Variants in ADGRB3 observed in about 807,000 individuals in gnomAD.
ADGRB3 encodes the protein adhesion G protein-coupled receptor B3, also known as brain-specific angiogenesis inhibitor 3.
Under a neutral mutation model 193.4 loss-of-function variants are expected in ADGRB3, and 37 were observed. The ratio of observed to expected loss-of-function variants is 0.19; its 90% CI spans 0.15 to 0.25. ADGRB3 has a LOEUF of 0.25. Ranked by LOEUF, ADGRB3 falls within the 10% of genes least tolerant of loss-of-function variation. ADGRB3 has a pLI of 1.00. For synonymous variants in ADGRB3, 690 were observed against 644.2 expected, an observed-to-expected ratio of 1.07 and a Z score of -1.08; for missense variants, 1,637 against 1,852.9, an observed-to-expected ratio of 0.88 and a Z score of 2.14.
intron 3 of ADGRB3, among the ~76,000 whole-genome samples, chr6:68,664,227 C>T (rs1211002205): frequency 2.0e-5 from 3 of 151,546 alleles, no homozygotes; most frequent in East Asian, 1.9e-4. Flanking sequence ...TCTCAAATAC[C>T]GATTTTTTTT....
In ADGRB3 at chr6:68,772,893, AAATATATATATATATATATATAT is replaced by A. The variant is rs1246846430; in HGVS notation, c.757+133463_757+133485del. On this transcript the variant is annotated intron_variant, in intron 3 of 31. Transcript: ENST00000370598. Reference sequence around the variant, plus strand: ...AACAAACAAACAAACAAAAAAAAAAAAATATATATATATATATATATATATATATATATATATATACATACACA... The same window carrying A: ...AACAAACAAACAAACAAAAAAAAAAAATATATATATATATATACATACACA... 4.0e-3 allele frequency among the ~76,000 whole-genome samples: 90 copies of A among 22,686 alleles called. 2 individuals are homozygous for A. In the South Asian group the frequency reaches 0.056, roughly 14 times the overall value. 14.9% of individuals were successfully genotyped at this position (22,686 alleles called of 152,430 possible). A position where few individuals can be genotyped will look rare whatever the true frequency, so the allele number is the denominator to read the frequency against.
At chr6:69,119,027 A>G (rs1422582770) in intron 17 of ADGRB3, among the ~76,000 whole-genome samples, 1 of 152,194 alleles carries the variant, frequency 6.6e-6, no homozygotes. Context: ...TGCTGTTATA[A>G]TGGTGCTTTA....
At chr6:69,035,027 T>C (rs895645956) in intron 13 of ADGRB3, among the ~76,000 whole-genome samples, 2 of 152,088 alleles carry the variant, frequency 1.3e-5, no homozygotes, top group Non-Finnish European at 2.9e-5. Context: ...TTTTCAAATA[T>C]AGAGTTGATG....
At chr6:68,787,441 T>C (rs921979964) in intron 3 of ADGRB3, among the ~76,000 whole-genome samples, 4 of 152,214 alleles carry the variant, frequency 2.6e-5, no homozygotes, top group Non-Finnish European at 4.4e-5. Flanking sequence ...GTTCTGTTTA[T>C]GTGTTGGATT....
chr6:69,289,269 A>C (rs1767616183), intron 20 of ADGRB3, among the ~76,000 whole-genome samples: 1 of 152,196 alleles, frequency 6.6e-6, no homozygotes, highest in South Asian at 2.1e-4. Flanking sequence ...ACAGTCACCT[A>C]AATAATACCT....
intron 20 of ADGRB3, among the ~76,000 whole-genome samples, chr6:69,297,780 T>C (rs1767861475): frequency 6.6e-6 from 1 of 152,042 alleles, no homozygotes; most frequent in South Asian, 2.1e-4. Context: ...CAATTTTGAT[T>C]ATGATACATG....
At chr6:68,962,883 C>T (rs778364749) in intron 8 of ADGRB3, among the ~76,000 whole-genome samples, 2 of 152,096 alleles carry the variant, frequency 1.3e-5, no homozygotes, top group Non-Finnish European at 1.5e-5. Context: ...TTTTGTTGAT[C>T]TCTCTCTCAT....
chr6:69,132,926 A>G (rs1463571877), intron 17 of ADGRB3, among the ~76,000 whole-genome samples: 2 of 152,144 alleles, frequency 1.3e-5, no homozygotes, highest in Non-Finnish European at 2.9e-5. Flanking sequence ...ATCAAATATA[A>G]GATAGTTATA....
intron 3 of ADGRB3, among the ~76,000 whole-genome samples, chr6:68,691,235 C>G (rs1765066832): frequency 6.6e-6 from 1 of 152,004 alleles, no homozygotes; most frequent in South Asian, 2.1e-4. Context: ...AATTAACTAT[C>G]TGAATTGTGA....
intron 17 of ADGRB3, among the ~76,000 whole-genome samples, chr6:69,183,322 C>T (rs180948538): frequency 5.8e-4 from 88 of 152,158 alleles, no homozygotes; most frequent in African/African-American, 2.0e-3. Flanking sequence ...CTGCACTATA[C>T]AAAGTGATTT....
At chr6:69,022,028 A>G (rs923871578) in intron 13 of ADGRB3, among the ~76,000 whole-genome samples, 3 of 151,878 alleles carry the variant, frequency 2.0e-5, no homozygotes. Context: ...TAAAATAATC[A>G]AGCTTCAATA....
intron 11 of ADGRB3, among the ~76,000 whole-genome samples, chr6:69,005,487 C>T (rs763821346): frequency 3.9e-5 from 6 of 152,064 alleles, no homozygotes; most frequent in Non-Finnish European, 5.9e-5. Flanking sequence ...AATGTTCTTA[C>T]GCAGTTTTCA....
chr6:68,644,533 C>A (rs1768158264), intron 3 of ADGRB3, among the ~76,000 whole-genome samples: 1 of 152,126 alleles, frequency 6.6e-6, no homozygotes, highest in African/African-American at 2.4e-5. Flanking sequence ...CTCCTCCACA[C>A]TTTGAAGATA....
chr6:68,760,846 T>G (rs1766383386), intron 3 of ADGRB3, among the ~76,000 whole-genome samples: 2 of 152,330 alleles, frequency 1.3e-5, no homozygotes, highest in South Asian at 4.1e-4. Context: ...TGTCCAGTTC[T>G]CTGAATAAAT....
chr6:69,337,467 TAGAC>T (rs1241636627), intron 24 of ADGRB3, among the ~76,000 whole-genome samples: 1 of 152,176 alleles, frequency 6.6e-6, no homozygotes, highest in Non-Finnish European at 1.5e-5. Flanking sequence ...TGGGGCCAGA[TAGAC>T]AGCTGATGTG....
chr6:68,913,253 C>T (rs182448972), intron 3 of ADGRB3, among the ~76,000 whole-genome samples: 2 of 152,292 alleles, frequency 1.3e-5, no homozygotes, highest in Non-Finnish European at 2.9e-5. Context: ...AAGTGGGTCC[C>T]TGACCCCTGA....
At chr6:69,387,857 G>A (rs1430991758) in intron 31 of ADGRB3, among the ~76,000 whole-genome samples, 1 of 152,026 alleles carries the variant, frequency 6.6e-6, no homozygotes, top group Non-Finnish European at 1.5e-5. Context: ...GATTTGGGGA[G>A]CAGGGAAGGC....
intron 20 of ADGRB3, among the ~76,000 whole-genome samples, chr6:69,270,687 C>T (rs1767154809): frequency 6.6e-6 from 1 of 152,108 alleles, no homozygotes; most frequent in South Asian, 2.1e-4. Context: ...TACCTTAAGC[C>T]ATAATCATAT....
At chr6:69,026,140 A>G (rs1195865730) in intron 13 of ADGRB3, among the ~76,000 whole-genome samples, 1 of 152,156 alleles carries the variant, frequency 6.6e-6, no homozygotes, top group Non-Finnish European at 1.5e-5. Context: ...CTCTCATGGA[A>G]TTTATGTTTT....
Sources: allele counts gnomAD v4.1 joint callset (sites outside exome capture counted in the v4.1 genomes callset), GRCh38; gene constraint gnomAD v4.1.1; transcripts MANE v1.5; gene names NCBI Gene and HGNC (gene_info 2026-07-23, HGNC 2026-07-21).